CDH23: variants seen among roughly 807,000 people sequenced by gnomAD.
CDH23 encodes cadherin-23.
CDH23 carries 189 observed loss-of-function variants against 317.1 expected under a neutral mutation model. That is an observed-to-expected ratio of 0.60 (90% CI 0.53 to 0.67). CDH23 has a LOEUF of 0.67. Ranked by LOEUF, CDH23 falls within the 30% of genes least tolerant of loss-of-function variation. The probability of loss-of-function intolerance (pLI) is 0.00; values close to 1 mark genes in which losing one functional copy is unlikely to be tolerated. For missense variants in CDH23, 4,401 were observed against 4,592.4 expected (o/e 0.96, Z 1.20); for synonymous variants, 1,839 against 1,876.8 (o/e 0.98, Z 0.52).
In CDH23 at chr10:71,705,270, C is replaced by T. The variant is rs558698407; in HGVS notation, c.2953+140C>T. 10 of 769,734 alleles carry T rather than the reference C, an allele frequency of 1.3e-5. No individual in the cohort carries two copies. In the South Asian group the frequency reaches 1.8e-4, roughly 14 times the overall value. 47.7% of individuals were successfully genotyped at this position (769,734 alleles called of 1,614,324 possible). On this transcript the variant is annotated intron_variant, in intron 25 of 69. Transcript: ENST00000224721. ...CACAGGCTCCCTTGTTAATGAGGTG[C>T]CCTCCCCAGCTGGAGCCATTCAACA...
intron 48 of CDH23, 115 bp from the exon 49 acceptor site, chr10:71,796,989 A>T: frequency 1.5e-6 from 1 of 684,700 alleles, no homozygotes; most frequent in Non-Finnish European, 2.6e-6. Flanking sequence ...CCCAGATTCT[A>T]CTGGGGACCG....
At chr10:71,427,209 G>GAAAGAAAGAAAGAAAT in intron 1 of CDH23, among the ~76,000 whole-genome samples, 1 of 108,656 alleles carries the variant, frequency 9.2e-6, no homozygotes, top group South Asian at 2.8e-4. Context: ...AAGAAAGAAA[G>GAAAGAAAGAAAGAAAT]AAAGAAAGAA....
chr10:71,529,257 G>A (rs1197602772), intron 6 of CDH23, among the ~76,000 whole-genome samples: 1 of 152,176 alleles, frequency 6.6e-6, no homozygotes, highest in Non-Finnish European at 1.5e-5. Context: ...AAGCAGCCAG[G>A]GCCATGGGCC....
At chr10:71,617,080 G>A in intron 10 of CDH23, 125 bp from the exon 11 acceptor site, 1 of 1,286,142 alleles carries the variant, frequency 7.8e-7, no homozygotes, top group Non-Finnish European at 1.1e-6. Context: ...TGGAGTTGTG[G>A]TGAGGATTAG....
intron 40 of CDH23, among the ~76,000 whole-genome samples, chr10:71,778,514 G>A (rs930560457): frequency 6.6e-6 from 1 of 152,172 alleles, no homozygotes; most frequent in Non-Finnish European, 1.5e-5. Flanking sequence ...GGCTACATCT[G>A]TCAGACAAGT....
At chr10:71,642,176 T>G (rs1862582237) in intron 11 of CDH23, among the ~76,000 whole-genome samples, 1 of 152,060 alleles carries the variant, frequency 6.6e-6, no homozygotes, top group African/African-American at 2.4e-5. Flanking sequence ...CCTCCTCTGC[T>G]TGTCCTCCCC....
intron 3 of CDH23, among the ~76,000 whole-genome samples, chr10:71,480,604 A>G (rs10999845): frequency 0.16 from 24,771 of 152,166 alleles, 2,111 homozygotes; most frequent in Middle Eastern, 0.22. Context: ...GAACAAAGGT[A>G]TGAAGGCAAG....
intron 11 of CDH23, among the ~76,000 whole-genome samples, 187 bp from the exon 12 acceptor site, chr10:71,643,674 C>G (rs1263938685): frequency 2.6e-5 from 4 of 152,174 alleles, no homozygotes; most frequent in Non-Finnish European, 5.9e-5. Flanking sequence ...TACGCCTCCT[C>G]CAGACCCCAG....
At chr10:71,564,074 C>A (rs557401719) in intron 6 of CDH23, among the ~76,000 whole-genome samples, 23 of 152,172 alleles carry the variant, frequency 1.5e-4, no homozygotes, top group Admixed American at 6.5e-4. Context: ...GGGAAAGTTC[C>A]AGACTCAAAG....
intron 14 of CDH23, 61 bp downstream of exon 14, chr10:71,646,678 C>T (rs1392912459): frequency 1.2e-6 from 2 of 1,613,864 alleles, no homozygotes; most frequent in Admixed American, 1.7e-5. Flanking sequence ...GGTGAGGCAC[C>T]CAGAGGGATT....
intron 3 of CDH23, 56 bp downstream of exon 3, chr10:71,446,451 C>G: frequency 6.7e-7 from 1 of 1,502,756 alleles, no homozygotes; most frequent in Non-Finnish European, 9.3e-7. Context: ...CAATCCCTTC[C>G]CACAAGTGAA....
chr10:71,664,022 C>T (rs1276030407), intron 14 of CDH23, among the ~76,000 whole-genome samples: 7 of 147,748 alleles, frequency 4.7e-5, no homozygotes, highest in East Asian at 4.0e-4. Context: ...AAAAGGATTA[C>T]GGACTGGTTG....
At chr10:71,777,572 T>G in intron 38 of CDH23, 108 bp from the exon 39 acceptor site, 1 of 940,558 alleles carries the variant, frequency 1.1e-6, no homozygotes, top group Non-Finnish European at 1.6e-6. Context: ...TCCTTGCCCT[T>G]TCTGTTTGAG....
intron 3 of CDH23, among the ~76,000 whole-genome samples, chr10:71,501,017 G>A (rs1434999298): frequency 6.6e-6 from 1 of 151,846 alleles, no homozygotes; most frequent in East Asian, 1.9e-4. Flanking sequence ...ACAGGCCTGT[G>A]ACACCACCCC....
At chr10:71,611,032 G>A (rs1394028610) in intron 9 of CDH23, among the ~76,000 whole-genome samples, 3 of 152,018 alleles carry the variant, frequency 2.0e-5, no homozygotes, top group Non-Finnish European at 4.4e-5. Flanking sequence ...AAGTGGGGCT[G>A]AACAGATGAA....
At chr10:71,575,239 G>A (rs187322839) in intron 8 of CDH23, among the ~76,000 whole-genome samples, 64 of 152,260 alleles carry the variant, frequency 4.2e-4, no homozygotes, top group Admixed American at 1.2e-3. Context: ...ACGTGGATGT[G>A]CATTTTCTGG....
At chr10:71,531,050 A>G (rs918288055) in intron 6 of CDH23, among the ~76,000 whole-genome samples, 1 of 152,148 alleles carries the variant, frequency 6.6e-6, no homozygotes, top group Admixed American at 6.5e-5. Flanking sequence ...AATTCCTCCT[A>G]TGTCAAGCTG....
At chr10:71,516,549 C>T (rs901689736) in intron 6 of CDH23, among the ~76,000 whole-genome samples, 4 of 152,238 alleles carry the variant, frequency 2.6e-5, no homozygotes, top group African/African-American at 7.2e-5. Context: ...AAATCAAATA[C>T]ATAATTTATT....
intron 3 of CDH23, among the ~76,000 whole-genome samples, chr10:71,491,807 C>T (rs1375744233): frequency 2.0e-5 from 3 of 152,174 alleles, no homozygotes; most frequent in African/African-American, 7.2e-5. Flanking sequence ...CAGCAGCCCT[C>T]GCCTGCCTCT....
Sources: gnomAD v4.1 joint callset for allele counts (sites outside exome capture counted in the v4.1 genomes callset) on GRCh38, gnomAD v4.1.1 for gene constraint, MANE v1.5 for transcripts, NCBI Gene and HGNC (gene_info 2026-07-23, HGNC 2026-07-21) for gene names.